The following CALN1 variants were observed in gnomAD, a reference collection of about 807,000 sequenced individuals.
CALN1 encodes calneuron 1.
CALN1 carries 17 observed loss-of-function variants against 30.6 expected under a neutral mutation model. The ratio of observed to expected loss-of-function variants is 0.56; its 90% CI spans 0.38 to 0.83. The LOEUF is 0.83. Among genes scored for constraint, CALN1 ranks in the 40% least tolerant of loss-of-function variants. The probability of loss-of-function intolerance (pLI) is 0.00; values close to 1 mark genes in which losing one functional copy is unlikely to be tolerated. For missense variants in CALN1, 291 were observed against 354.9 expected, an observed-to-expected ratio of 0.82 and a Z score of 1.45; for synonymous variants, 156 against 131.4, an observed-to-expected ratio of 1.19 and a Z score of -1.28.
intron 2 of CALN1, chr7:72,336,595 G>A (rs569339181): frequency 7.0e-5 from 50 of 717,002 alleles, no homozygotes; most frequent in East Asian, 2.6e-4. Flanking sequence ...GAGCACCAGG[G>A]CCCGCGACAG....
intron 3 of CALN1, among the ~76,000 whole-genome samples, chr7:72,208,819 CAGG>C (rs1355704676): frequency 6.6e-6 from 1 of 152,162 alleles, no homozygotes; most frequent in Non-Finnish European, 1.5e-5. Context: ...AATGCAAAAG[CAGG>C]AGAAGTGAAT....
At chr7:71,960,892 T>C (rs1797216950) in intron 5 of CALN1, among the ~76,000 whole-genome samples, 1 of 152,100 alleles carries the variant, frequency 6.6e-6, no homozygotes, top group African/African-American at 2.4e-5. Context: ...TCTCAGCTCA[T>C]TGCAACCTCC....
chr7:72,063,121 CA>C (rs933500799), intron 4 of CALN1, among the ~76,000 whole-genome samples: 4 of 151,546 alleles, frequency 2.6e-5, no homozygotes, highest in Non-Finnish European at 5.9e-5. Flanking sequence ...AAAACCTGAT[CA>C]AAAAAAAGGA....
chr7:72,414,660 G>A (rs1807366904), upstream of CALN1, among the ~76,000 whole-genome samples: 1 of 152,212 alleles, frequency 6.6e-6, no homozygotes, highest in South Asian at 2.1e-4. Context: ...TTTCTCCCAG[G>A]ACGACTGAGA....
At chr7:71,929,255 A>G (rs930517400) in intron 5 of CALN1, among the ~76,000 whole-genome samples, 8 of 152,158 alleles carry the variant, frequency 5.3e-5, no homozygotes, top group African/African-American at 1.9e-4. Context: ...TCCATTAGCT[A>G]TTCTTCCTGA....
intron 5 of CALN1, among the ~76,000 whole-genome samples, chr7:71,989,580 A>G (rs771767246): frequency 6.6e-6 from 1 of 152,250 alleles, no homozygotes; most frequent in South Asian, 2.1e-4. Context: ...AGCCACAAGA[A>G]GACAAACAGC....
At chr7:72,022,857 C>A (rs555569363) in intron 5 of CALN1, among the ~76,000 whole-genome samples, 1 of 150,636 alleles carries the variant, frequency 6.6e-6, no homozygotes, top group Non-Finnish European at 1.5e-5. Context: ...CAACTGCAAC[C>A]CTTATCTAGG....
intron 5 of CALN1, among the ~76,000 whole-genome samples, chr7:71,938,645 A>G (rs1046707666): frequency 1.7e-4 from 26 of 152,200 alleles, no homozygotes; most frequent in African/African-American, 6.3e-4. Flanking sequence ...AAATACAAAA[A>G]TTAGCTGGGC....
intron 3 of CALN1, among the ~76,000 whole-genome samples, chr7:72,162,603 G>T (rs532194248): frequency 6.6e-6 from 1 of 151,978 alleles, no homozygotes; most frequent in Non-Finnish European, 1.5e-5. Flanking sequence ...GCCAGGCATG[G>T]TGGTGCATGC....
At chr7:71,918,573 G>A (rs1302745732) in intron 5 of CALN1, among the ~76,000 whole-genome samples, 2 of 152,194 alleles carry the variant, frequency 1.3e-5, no homozygotes, top group Non-Finnish European at 2.9e-5. Context: ...ACAAGAATGA[G>A]AAAATCTGGA....
At chr7:72,426,003 G>A (rs1463594750) in intron 1 of CALN1, among the ~76,000 whole-genome samples, 1 of 152,250 alleles carries the variant, frequency 6.6e-6, no homozygotes, top group African/African-American at 2.4e-5. Context: ...TCAGGGCGAA[G>A]GTAAGCTGCT....
chr7:72,439,149 G>A (rs150341797), intron 1 of CALN1, among the ~76,000 whole-genome samples: 239 of 152,196 alleles, frequency 1.6e-3, no homozygotes, highest in Non-Finnish European at 2.3e-3. Flanking sequence ...TCCCTCCTTA[G>A]CCTCCCGAGT....
chr7:72,038,337 A>G (rs141299887), intron 4 of CALN1, among the ~76,000 whole-genome samples: 75 of 151,904 alleles, frequency 4.9e-4, no homozygotes, highest in Middle Eastern at 3.4e-3. Flanking sequence ...TCAGCATGGC[A>G]AAAACTGCAA....
chr7:72,000,105 T>C (rs372491896), intron 5 of CALN1, among the ~76,000 whole-genome samples: 2 of 151,648 alleles, frequency 1.3e-5, no homozygotes, highest in South Asian at 2.1e-4. Flanking sequence ...GAAGTTCCTA[T>C]CTCAAGAAAC....
At chr7:72,077,418 C>G (rs565544679) in intron 4 of CALN1, among the ~76,000 whole-genome samples, 1 of 152,238 alleles carries the variant, frequency 6.6e-6, no homozygotes, top group South Asian at 2.1e-4. Context: ...GGATTACAGG[C>G]GTACACCATC....
chr7:72,372,787 T>G (rs185261327), intron 2 of CALN1, among the ~76,000 whole-genome samples: 4 of 152,156 alleles, frequency 2.6e-5, no homozygotes, highest in Non-Finnish European at 4.4e-5. Flanking sequence ...ACCAAAAAAA[T>G]TCTACATTAT....
intron 2 of CALN1, among the ~76,000 whole-genome samples, chr7:72,397,710 T>A (rs1806055450): frequency 3.5e-5 from 2 of 57,298 alleles, no homozygotes; most frequent in African/African-American, 1.5e-4. Context: ...GCACCCATTC[T>A]CTCTCACACA....
upstream of CALN1, among the ~76,000 whole-genome samples, chr7:72,451,372 A>G (rs1393245357): frequency 7.6e-6 from 1 of 132,380 alleles, no homozygotes; most frequent in African/African-American, 2.8e-5. Context: ...AGAAAAAATA[A>G]GAAAGAAGAA....
chr7:71,956,463 A>T (rs1001562752), intron 5 of CALN1, among the ~76,000 whole-genome samples: 12 of 150,972 alleles, frequency 7.9e-5, no homozygotes, highest in Admixed American at 1.3e-4. Context: ...ATTTTTTTTA[A>T]AAATTATTAT....
Sources: gnomAD v4.1 joint callset for allele counts (sites outside exome capture counted in the v4.1 genomes callset) on GRCh38, gnomAD v4.1.1 for gene constraint, MANE v1.5 for transcripts, NCBI Gene and HGNC (gene_info 2026-07-23, HGNC 2026-07-21) for gene names.